KCNH8: variants seen among roughly 807,000 people sequenced by gnomAD.
KCNH8 encodes potassium voltage-gated channel subfamily H member 8, also known as voltage-gated delayed rectifier potassium channel KCNH8.
Under a neutral mutation model 103.6 loss-of-function variants are expected in KCNH8, and 70 were observed. The observed-to-expected ratio is 0.68, with a 90% CI of 0.56 to 0.82. The LOEUF (loss-of-function observed/expected upper bound fraction) is 0.82. Among genes scored for constraint, KCNH8 ranks in the 40% least tolerant of loss-of-function variants. KCNH8 has a pLI of 0.00. For missense variants in KCNH8, 1,217 were observed against 1,329.9 expected (o/e 0.92, Z 1.32); for synonymous variants, 498 against 489.4 (o/e 1.02, Z -0.23).
chr3:19,284,022 C>T (rs543384628), intron 3 of KCNH8, among the ~76,000 whole-genome samples: 56 of 151,262 alleles, frequency 3.7e-4, no homozygotes, highest in Admixed American at 8.6e-4. Flanking sequence ...TAAAATTTAC[C>T]AATTGATGGC....
intron 3 of KCNH8, among the ~76,000 whole-genome samples, chr3:19,317,039 T>G (rs1301852669): frequency 6.6e-6 from 1 of 151,904 alleles, no homozygotes; most frequent in Non-Finnish European, 1.5e-5. Flanking sequence ...TCTTGGTGGC[T>G]TGATTTATTC....
chr3:19,461,686 C>CT (rs1422225943), intron 11 of KCNH8, among the ~76,000 whole-genome samples: 1 of 152,122 alleles, frequency 6.6e-6, no homozygotes, highest in African/African-American at 2.4e-5. Context: ...TGTTATTATA[C>CT]TTTAAGTTCT....
At chr3:19,272,873 G>A (rs1399909785) in intron 2 of KCNH8, among the ~76,000 whole-genome samples, 3 of 151,748 alleles carry the variant, frequency 2.0e-5, no homozygotes, top group Admixed American at 2.0e-4. Flanking sequence ...ATAATTTATT[G>A]TTTTTCACTC....
At position 19,501,480 on chromosome 3, in the gene KCNH8, G is replaced by C. The variant is rs368675556; in HGVS notation, c.2041-8883G>C. On this transcript the variant is annotated intron_variant, in intron 11 of 15. Coordinates refer to ENST00000328405, the MANE Select transcript of KCNH8 (RefSeq NM_144633.3). ...CGGGCAGAGACACAACCAAAAAAGA[G>C]AATTTTAGACCAATATCCCTGATTA... Among the ~76,000 whole-genome samples, 28 of 152,162 alleles carry C rather than the reference G, an allele frequency of 1.8e-4. No individual in the cohort carries two copies. In the East Asian group the frequency reaches 5.2e-3, roughly 28 times the overall value.
At chr3:19,170,683 CATATATACACACATAT>C (rs1193190210) in intron 1 of KCNH8, among the ~76,000 whole-genome samples, 2 of 140,658 alleles carry the variant, frequency 1.4e-5, no homozygotes, top group East Asian at 2.0e-4. Flanking sequence ...TACACACACA[CATATATACACACATAT>C]ATATACACAT....
chr3:19,413,394 G>A (rs2066812518), intron 7 of KCNH8, among the ~76,000 whole-genome samples: 1 of 151,982 alleles, frequency 6.6e-6, no homozygotes, highest in Non-Finnish European at 1.5e-5. Context: ...GAGGGAAGGA[G>A]GGAGAAGGGC....
chr3:19,158,495 T>C (rs1410128563), intron 1 of KCNH8, among the ~76,000 whole-genome samples: 1 of 151,834 alleles, frequency 6.6e-6, no homozygotes, highest in African/African-American at 2.4e-5. Flanking sequence ...CTGATGGTAT[T>C]TTTAATGGAC....
chr3:19,315,184 G>C (rs551121003), intron 3 of KCNH8, among the ~76,000 whole-genome samples: 1 of 151,880 alleles, frequency 6.6e-6, no homozygotes, highest in Non-Finnish European at 1.5e-5. Context: ...ACTTGAAACT[G>C]GGGAGTGAAG....
chr3:19,360,475 A>T (rs2065933926), intron 5 of KCNH8, among the ~76,000 whole-genome samples: 1 of 152,086 alleles, frequency 6.6e-6, no homozygotes, highest in South Asian at 2.1e-4. Flanking sequence ...TATATGTTTT[A>T]TTGTTGCATT....
chr3:19,332,763 G>A (rs1030188955), intron 3 of KCNH8, among the ~76,000 whole-genome samples: 1 of 152,096 alleles, frequency 6.6e-6, no homozygotes, highest in East Asian at 1.9e-4. Flanking sequence ...CTCCTGAGTA[G>A]CTGGGATTAC....
At chr3:19,295,383 CAAATAAAT>C (rs554786703) in intron 3 of KCNH8, among the ~76,000 whole-genome samples, 9,550 of 145,368 alleles carry the variant, frequency 0.066, 878 homozygotes, top group African/African-American at 0.21. Context: ...GACCCTGTCT[CAAATAAAT>C]AAATAAATAA....
intron 1 of KCNH8, among the ~76,000 whole-genome samples, chr3:19,237,682 T>C (rs1304424468): frequency 6.6e-6 from 1 of 152,064 alleles, no homozygotes; most frequent in Non-Finnish European, 1.5e-5. Flanking sequence ...CAAGTGAAAA[T>C]AGCAAGACTG....
chr3:19,384,096 A>C (rs2125126670), intron 5 of KCNH8, among the ~76,000 whole-genome samples: 1 of 152,346 alleles, frequency 6.6e-6, no homozygotes, highest in African/African-American at 2.4e-5. Flanking sequence ...CTTATATAAT[A>C]AAATAAAAGC....
At chr3:19,295,420 A>G (rs1490027324) in intron 3 of KCNH8, among the ~76,000 whole-genome samples, 2 of 148,586 alleles carry the variant, frequency 1.3e-5, no homozygotes, top group African/African-American at 5.1e-5. Flanking sequence ...ATAAATAAAT[A>G]AATAAGTTCA....
rs541107470 is a variant in KCNH8, at chr3:19,426,866, A to C, written c.1178-11298A>C. Among the ~76,000 whole-genome samples the C allele has an allele frequency of 1.5e-3, 228 of 152,284 alleles. 1 individual carries two copies. Among genetic ancestry groups the C allele is most frequent in the African/African-American group, 5.4e-3 (223 of 41,556 alleles). On this transcript the variant is annotated intron_variant, in intron 7 of 15. Coordinates refer to ENST00000328405, the MANE Select transcript of KCNH8 (RefSeq NM_144633.3). ...CATTCTATACGTTTGCTCTTTAGTC[A>C]ATAAATATTTCCTTCTTCATGCAAT...
At chr3:19,472,496 C>T (rs2067883852) in intron 11 of KCNH8, among the ~76,000 whole-genome samples, 4 of 152,072 alleles carry the variant, frequency 2.6e-5, no homozygotes, top group African/African-American at 9.7e-5. Context: ...TAAGGAGTTT[C>T]CTGCACAAGC....
chr3:19,348,108 C>A, intron 5 of KCNH8, 143 bp downstream of exon 5: 4 of 932,550 alleles, frequency 4.3e-6, no homozygotes, highest in Non-Finnish European at 4.8e-6. Flanking sequence ...GAAGCACATA[C>A]TGTATTTGGA....
At chr3:19,239,680 A>ACC (rs2064113018) in intron 1 of KCNH8, among the ~76,000 whole-genome samples, 13 of 151,298 alleles carry the variant, frequency 8.6e-5, no homozygotes, top group African/African-American at 3.2e-4. Context: ...CTATCTATCT[A>ACC]TCTACCTACC....
At chr3:19,325,821 A>G (rs1329812879) in intron 3 of KCNH8, among the ~76,000 whole-genome samples, 5 of 152,188 alleles carry the variant, frequency 3.3e-5, no homozygotes, top group Admixed American at 1.3e-4. Flanking sequence ...AGACCCAGCA[A>G]TCACCTTACT....
Sources: allele counts gnomAD v4.1 joint callset (sites outside exome capture counted in the v4.1 genomes callset), GRCh38; gene constraint gnomAD v4.1.1; transcripts MANE v1.5; gene names NCBI Gene and HGNC (gene_info 2026-07-23, HGNC 2026-07-21).